Variants in ZNF559 observed in about 807,000 individuals in gnomAD.
The protein encoded by ZNF559 is putative protein product of Nbla00121.
A neutral mutation model predicts 14.2 loss-of-function variants in ZNF559; 17 were observed. The ratio of observed to expected loss-of-function variants is 1.20; its 90% confidence interval spans 0.82 to 1.80. The LOEUF (loss-of-function observed/expected upper bound fraction) is 1.80. Among genes scored for constraint, ZNF559 ranks in the 40% most tolerant of loss-of-function variants. The pLI is 0.00. For synonymous variants in ZNF559, 244 were observed against 212.4 expected (o/e 1.15, Z -1.29); for missense variants, 740 against 629.7 (o/e 1.18, Z -1.88).
rs977153467 is a variant in ZNF559, at chr19:9,333,518, A to G, written c.-119-4278A>G. ...CACCTGAGCAACATAGCAAGACCCC[A>G]TCTCTACAGAAAACTAAAGAATTAG... On this transcript the variant is annotated intron_variant, in intron 2 of 6. Coordinates refer to ENST00000603380, the MANE Select transcript of ZNF559 (RefSeq NM_032497.3). Among the ~76,000 whole-genome samples, 84 of 152,254 alleles carry G rather than the reference A, an allele frequency of 5.5e-4. 1 individual carries two copies. Among genetic ancestry groups the G allele is most frequent in the African/African-American group, 2.0e-3 (82 of 41,546 alleles).
intron 2 of ZNF559, among the ~76,000 whole-genome samples, chr19:9,337,223 A>AT (rs1468697375): frequency 7.2e-5 from 11 of 152,222 alleles, no homozygotes; most frequent in African/African-American, 2.7e-4. Context: ...AAACTCATGC[A>AT]TTATTGCCAG....
intron 6 of ZNF559, 125 bp from the exon 7 acceptor site, chr19:9,341,570 G>A (rs1440846918): frequency 6.6e-7 from 1 of 1,523,052 alleles, no homozygotes; most frequent in East Asian, 2.4e-5. Context: ...GAAAATGGCA[G>A]GAACAAACAG....
rs1158835052 is a variant in ZNF559, at chr19:9,339,256, C to G, written c.97C>G (p.Gln33Glu). Reference protein sequence around the residue: ...FTQEEWTLLDQTQRNLYRDVM... With the variant: ...FTQEEWTLLDETQRNLYRDVM... ...CCAGGAGGAGTGGACTTTGCTGGAT[C>G]AAACTCAGAGAAACTTATACAGAGA... The change falls in exon 5 of 7, where the codon CAA becomes GAA. Residue 33 changes from glutamine (Q) to glutamate (E), a missense_variant. Coordinates refer to ENST00000603380, the MANE Select transcript of ZNF559 (RefSeq NM_032497.3). 2 of 1,613,956 alleles carry G rather than the reference C, an allele frequency of 1.2e-6. No homozygotes were observed. The highest frequency in any genetic ancestry group is 4.5e-5 in the East Asian group (2 of 44,860).
At chr19:9,341,403 A>G (rs1022936468) in intron 6 of ZNF559, 11 of 752,750 alleles carry the variant, frequency 1.5e-5, no homozygotes, top group Non-Finnish European at 2.3e-5. Context: ...CAACATTCCC[A>G]TATGTATCTC....
Position 9,342,610 on chromosome 19 carries a change from G to T in ZNF559, c.1159G>T (p.Gly387Ter). The T allele has an allele frequency of 6.2e-7, 1 of 1,614,080 alleles. No homozygotes were observed. Among genetic ancestry groups the T allele is most frequent in the Non-Finnish European group, 8.5e-7 (1 of 1,180,006 alleles). ...GEKPYQCKECGKAFINSSSFK... is the reference protein window; with the variant it reads ...GEKPYQCKEC Reference sequence around the variant, plus strand: ...GAAGCCTTATCAATGTAAGGAATGTGGAAAAGCCTTTATTAATTCCTCTTC... The same window carrying T: ...GAAGCCTTATCAATGTAAGGAATGTTGAAAAGCCTTTATTAATTCCTCTTC... Residue 387 changes from glycine (G) to a stop codon, truncating the protein, a stop_gained, in exon 7 of 7, where the codon GGA becomes TGA. Coordinates refer to ENST00000603380, the MANE Select transcript of ZNF559 (RefSeq NM_032497.3). LOFTEE classifies it low-confidence loss of function (END_TRUNC).
intron 2 of ZNF559, among the ~76,000 whole-genome samples, chr19:9,328,467 C>T (rs1455577541): frequency 6.7e-6 from 1 of 149,898 alleles, no homozygotes; most frequent in African/African-American, 2.5e-5. Flanking sequence ...GATTCTCCTG[C>T]TTCAGCCTCC....
At chr19:9,335,954 CT>C (rs1415870758) in intron 2 of ZNF559, among the ~76,000 whole-genome samples, 1 of 152,232 alleles carries the variant, frequency 6.6e-6, no homozygotes, top group Non-Finnish European at 1.5e-5. Context: ...GTTCAGGGGG[CT>C]CTGCTGTAGC....
In ZNF559 at chr19:9,342,280, G is replaced by A; in HGVS notation, c.829G>A (p.Ala277Thr). ...TATAGAACATAAGAAATTTGGCAAAGCCTTTGCTTTTTCCCCAGATCTTGC... is the reference window on the plus strand; with the variant it reads ...TATAGAACATAAGAAATTTGGCAAAACCTTTGCTTTTTCCCCAGATCTTGC... ...LPIEHKKFGK[A>T]FAFSPDLAKH... Residue 277 changes from alanine (A) to threonine (T), a missense_variant, in exon 7 of 7, where the codon GCC becomes ACC. Coordinates refer to ENST00000603380, the MANE Select transcript of ZNF559 (RefSeq NM_032497.3). 1 of 1,586,534 alleles carries A rather than the reference G, an allele frequency of 6.3e-7. No individual in the cohort carries two copies.
intron 2 of ZNF559, chr19:9,330,183 T>G (rs1164616906): frequency 1.3e-5 from 2 of 152,226 alleles, no homozygotes; most frequent in African/African-American, 4.8e-5. Flanking sequence ...TGCTGAGAAA[T>G]CAAAGGGTAG....
chr19:9,336,563 C>G (rs2067250449), intron 2 of ZNF559, among the ~76,000 whole-genome samples: 1 of 151,940 alleles, frequency 6.6e-6, no homozygotes. Flanking sequence ...CCACTGCACT[C>G]CAGCCTGGGC....
At position 9,324,448 on chromosome 19, in the gene ZNF559, C is replaced by G. The variant is rs988635460; in HGVS notation, c.-206+220C>G. 9.1e-6 allele frequency: 13 copies of G among 1,433,366 alleles called. No individual in the cohort carries two copies. The South Asian group carries it at 1.8e-4, about 20-fold the overall frequency. 88.8% of individuals were successfully genotyped at this position (1,433,366 alleles called of 1,614,324 possible). On this transcript the variant is annotated intron_variant, in intron 1 of 6. Coordinates refer to ENST00000603380, the MANE Select transcript of ZNF559 (RefSeq NM_032497.3). ...AGGCGGCTGCGCTGGGGCCTCGGCC[C>G]GGGAGGAGGCGGGGGGCACGGCCTT...
At chr19:9,333,072 G>A (rs1466697505) in intron 2 of ZNF559, 1 of 152,230 alleles carries the variant, frequency 6.6e-6, no homozygotes, top group East Asian at 1.9e-4. Flanking sequence ...CTAGGCTCAG[G>A]TGTTGCTCCC....
At chr19:9,329,082 G>C (rs2066796904) in intron 2 of ZNF559, among the ~76,000 whole-genome samples, 1 of 93,002 alleles carries the variant, frequency 1.1e-5, no homozygotes, top group Non-Finnish European at 2.3e-5. Context: ...TTTGTTTTTT[G>C]GGCTGGGGGT....
Position 9,343,353 on chromosome 19 carries a change from T to A in ZNF559, c.*285T>A. Reference sequence around the variant, plus strand: ...CGATGCTTACATCTTACTGAGTCTGTTTGAACTCATGCTGGAGAGAAATGC... The same window carrying A: ...CGATGCTTACATCTTACTGAGTCTGATTGAACTCATGCTGGAGAGAAATGC... On this transcript the variant is annotated 3_prime_UTR_variant, in exon 7 of 7. Coordinates refer to ENST00000603380, the MANE Select transcript of ZNF559 (RefSeq NM_032497.3). 8.5e-7 allele frequency: 1 copy of A among 1,170,388 alleles called. No homozygotes were observed. The allele number at this position is 1,170,388 out of a possible 1,614,324, so 72.5% of individuals were successfully genotyped here.
At position 9,341,841 on chromosome 19, in the gene ZNF559, A is replaced by T. The variant is rs2122296259; in HGVS notation, c.390A>T (p.Lys130Asn). 1 of 1,609,968 alleles carries T rather than the reference A, an allele frequency of 6.2e-7. No individual in the cohort carries two copies. The highest frequency in any genetic ancestry group is 1.7e-5 in the Admixed American group (1 of 58,894). Residue 130 changes from lysine to asparagine, a missense_variant, in exon 7 of 7, where the codon AAA (lysine) becomes AAT (asparagine). By Grantham distance (94) the Lys-to-Asn change is moderately conservative (BLOSUM62 0). Coordinates refer to ENST00000603380, the MANE Select transcript of ZNF559 (RefSeq NM_032497.3). ...ATCAATGTGAAAAAGCCTTCAGAAAACCCTCTATCTTTACTTTACACAAGA... is the reference window on the plus strand; with the variant it reads ...ATCAATGTGAAAAAGCCTTCAGAAATCCCTCTATCTTTACTTTACACAAGA... ...ECNQCEKAFR[K>N]PSIFTLHKKT...
At position 9,342,692 on chromosome 19, in the gene ZNF559, G is replaced by GT. The variant is rs767606857; in HGVS notation, c.1242dup (p.Gly415TrpfsTer24). ...GTAAAACCCTATGACTGTCAACAGT[G>GT]TGGGAAAGCCTTCATTCGATCCTCA... is the stretch of plus-strand genomic sequence containing the variant. On this transcript the variant is annotated frameshift_variant, in exon 7 of 7. Coordinates refer to ENST00000603380, the MANE Select transcript of ZNF559 (RefSeq NM_032497.3). LOFTEE classifies it low-confidence loss of function (END_TRUNC). 3 of 1,614,196 alleles carry GT rather than the reference G, an allele frequency of 1.9e-6. No homozygotes were observed. In the East Asian group the frequency reaches 6.7e-5, roughly 36 times the overall value.
chr19:9,324,137 G>T, upstream of ZNF559: 1 of 1,534,112 alleles, frequency 6.5e-7, no homozygotes. Flanking sequence ...CCCCCTAGGT[G>T]GTCCTAGCCT....
At chr19:9,331,767 T>C (rs1381904890) in intron 2 of ZNF559, among the ~76,000 whole-genome samples, 1 of 152,220 alleles carries the variant, frequency 6.6e-6, no homozygotes, top group East Asian at 1.9e-4. Context: ...GGTTCCAGTA[T>C]TGTTACTATG....
chr19:9,326,066 G>A (rs1242629703), intron 2 of ZNF559, among the ~76,000 whole-genome samples: 1 of 146,116 alleles, frequency 6.8e-6, no homozygotes, highest in Non-Finnish European at 1.5e-5. Context: ...CATGTTTTTA[G>A]ATCTGTTAAA....
Sources: gnomAD v4.1 joint callset for allele counts (sites outside exome capture counted in the v4.1 genomes callset) on GRCh38, gnomAD v4.1.1 for gene constraint, MANE v1.5 for transcripts, NCBI Gene and HGNC (gene_info 2026-07-23, HGNC 2026-07-21) for gene names.